Variants in DAPK2 observed in about 807,000 individuals in gnomAD.
DAPK2 encodes the protein death-associated protein kinase 2.
In DAPK2, 35 loss-of-function variants were observed where a neutral mutation model predicts 44.1. The ratio of observed to expected loss-of-function variants is 0.79; its 90% CI spans 0.61 to 1.05. DAPK2 has a LOEUF of 1.05. DAPK2 is among the 50% of genes least tolerant of loss of function. The pLI, the probability that DAPK2 is intolerant of heterozygous loss-of-function variation, is 0.00. For missense variants in DAPK2, 453 were observed against 483.2 expected (o/e 0.94, Z 0.59); for synonymous variants, 174 against 182.6 (o/e 0.95, Z 0.38).
intron 2 of DAPK2, among the ~76,000 whole-genome samples, chr15:63,974,547 T>C (rs2078294940): frequency 6.6e-6 from 1 of 152,148 alleles, no homozygotes; most frequent in Non-Finnish European, 1.5e-5. Context: ...TAGAAAAGAG[T>C]GTCTGAGTTA....
chr15:64,024,733 CAT>C (rs2079789465), intron 1 of DAPK2, among the ~76,000 whole-genome samples: 1 of 152,206 alleles, frequency 6.6e-6, no homozygotes, highest in Admixed American at 6.5e-5. Context: ...GCCTGCAAAA[CAT>C]AGACAGGGAG....
At chr15:64,029,652 C>T (rs889537928) in intron 1 of DAPK2, 1 of 152,268 alleles carries the variant, frequency 6.6e-6, no homozygotes, top group African/African-American at 2.4e-5. Flanking sequence ...AAGGTCTAAG[C>T]CCTAAGTCTC....
rs373230434 is a variant in DAPK2 at position 63,908,527 on chromosome 15, G to T, written c.1106C>A (p.Thr369Asn). 4.1e-5 allele frequency: 65 copies of T among 1,594,194 alleles called. No individual in the cohort carries two copies. The highest frequency in any genetic ancestry group is 5.4e-5 in the Non-Finnish European group (63 of 1,171,658). ...CACTGCAGGTCAGGCCAGTTAGGAG[G>T]TGCTGCTCCTCCTCCGTGGGTGGAG... The change falls in exon 11 of 11, where the codon ACC becomes AAC. Residue 369 changes from threonine to asparagine, a missense_variant. Thr to Asn is a moderately conservative substitution (Grantham distance 65). Coordinates refer to ENST00000261891, the Ensembl canonical transcript of DAPK2. The surrounding 1 kb of genome is among the most constrained non-coding windows in gnomAD (Gnocchi z 5.7).
intron 3 of DAPK2, among the ~76,000 whole-genome samples, chr15:63,945,512 C>G (rs1217204289): frequency 1.3e-5 from 2 of 152,226 alleles, no homozygotes; most frequent in Non-Finnish European, 1.5e-5. Flanking sequence ...CAGGAAGGAA[C>G]GGCACTAAGG....
chr15:64,022,113 C>G (rs1027084839), intron 1 of DAPK2, among the ~76,000 whole-genome samples: 1 of 152,174 alleles, frequency 6.6e-6, no homozygotes, highest in Non-Finnish European at 1.5e-5. Context: ...ATTAGAAACA[C>G]AAACCACAGG....
At chr15:64,023,766 C>T (rs1208386224) in intron 1 of DAPK2, among the ~76,000 whole-genome samples, 11 of 152,184 alleles carry the variant, frequency 7.2e-5, no homozygotes, top group African/African-American at 2.2e-4. Flanking sequence ...ACACTTCCCA[C>T]GTGCCACGCT....
intron 1 of DAPK2, among the ~76,000 whole-genome samples, chr15:64,026,885 A>T (rs1301075110): frequency 6.6e-6 from 1 of 152,206 alleles, no homozygotes; most frequent in Non-Finnish European, 1.5e-5. Context: ...TCACTTACAA[A>T]ATGGGAACTA....
rs1162143095 is a variant in DAPK2 at position 63,945,816 on chromosome 15, G to A, written c.454-6455C>T. Among the ~76,000 whole-genome samples, 4 of 152,166 alleles carry A rather than the reference G, an allele frequency of 2.6e-5. No individual in the cohort carries two copies. The East Asian group carries it at 7.7e-4, about 29-fold the overall frequency. The stretch of plus-strand genomic sequence containing the variant: ...CGAGATGGCACAACCTCCCAAGCTG[G>A]CTGTGAAAATTCCTACTGCTTTGGG... On this transcript the variant is annotated intron_variant, in intron 3 of 10. Transcript: ENST00000261891.
At chr15:64,040,274 T>C, upstream of DAPK2, 1 of 1,612,502 alleles carries the variant, frequency 6.2e-7, no homozygotes, top group Non-Finnish European at 8.5e-7. Flanking sequence ...AATCCTGAAA[T>C]GGGAAGAAAC....
At chr15:64,012,137 T>C (rs1192833668) in intron 1 of DAPK2, among the ~76,000 whole-genome samples, 1 of 152,226 alleles carries the variant, frequency 6.6e-6, no homozygotes, top group Non-Finnish European at 1.5e-5. Flanking sequence ...CATACATTAC[T>C]GACTGTCACT....
rs182827544 is a variant in DAPK2 at position 64,028,304 on chromosome 15, C to T, written c.92+11866G>A. 3.5e-4 allele frequency among the ~76,000 whole-genome samples: 54 copies of T among 152,360 alleles called. 1 individual carries two copies. The highest frequency in any genetic ancestry group is 1.3e-3 in the African/African-American group (53 of 41,576). ...GAACTCCTGACCTCAAGTGATCTGC[C>T]TGCCTTAGCCTCCCAAAGTGCTGGG... On this transcript the variant is annotated intron_variant, in intron 1 of 10. Coordinates refer to ENST00000261891, the Ensembl canonical transcript of DAPK2.
intron 8 of DAPK2, chr15:63,921,809 C>T (rs2079079961): frequency 6.6e-6 from 1 of 152,194 alleles, no homozygotes; most frequent in South Asian, 2.1e-4. Flanking sequence ...AATGGGAAGA[C>T]TCCTTCCTTC....
At position 64,019,177 on chromosome 15, in the gene DAPK2, C is replaced by T. The variant is rs981115436; in HGVS notation, c.92+20993G>A. 1.3e-5 allele frequency among the ~76,000 whole-genome samples: 2 copies of T among 152,242 alleles called. 1 individual carries two copies. Among genetic ancestry groups the T allele is most frequent in the South Asian group, 4.1e-4 (2 of 4,836 alleles). On this transcript the variant is annotated intron_variant, in intron 1 of 10. Transcript: ENST00000261891. ...CCTTCAGGTCACAAGCAACCATTTA[C>T]CAGAGTGCCCTGTCTCAGACCTGCC...
intron 1 of DAPK2, among the ~76,000 whole-genome samples, chr15:64,030,352 T>A (rs2079976689): frequency 6.6e-6 from 1 of 152,120 alleles, no homozygotes; most frequent in South Asian, 2.1e-4. Context: ...GATGTAAATA[T>A]GATACCCTTG....
At chr15:63,994,870 G>A (rs957742869) in intron 1 of DAPK2, among the ~76,000 whole-genome samples, 10 of 152,160 alleles carry the variant, frequency 6.6e-5, no homozygotes, top group Middle Eastern at 3.4e-3. Context: ...GATTACAGGC[G>A]TGAGCCACTG....
intron 1 of DAPK2, among the ~76,000 whole-genome samples, chr15:64,035,142 T>C (rs1055069418): frequency 6.6e-6 from 1 of 150,540 alleles, no homozygotes; most frequent in Non-Finnish European, 1.5e-5. Flanking sequence ...CACTCCAGCC[T>C]GGGCGACAGA....
chr15:63,908,397 C>T lies in DAPK2; in HGVS notation c.*123G>A. 1 of 491,464 alleles carries T rather than the reference C, an allele frequency of 2.0e-6. No homozygotes were observed. The highest frequency in any genetic ancestry group is 5.3e-4 in the Middle Eastern group (1 of 1,898). The allele number at this position is 491,464 out of a possible 1,614,324, so 30.4% of individuals were successfully genotyped here. A position where few individuals can be genotyped will look rare whatever the true frequency, so the allele number is the denominator to read the frequency against. On this transcript the variant is annotated 3_prime_UTR_variant, in exon 11 of 11. Coordinates refer to ENST00000261891, the Ensembl canonical transcript of DAPK2. This position sits in a 1 kb window ranked among gnomAD's most constrained non-coding sequence, Gnocchi z 5.7. ...GCAAGCTCTTCTGAATTCCTTGGGC[C>T]CATCTCTCTTGCAAAGTGCTCAGGA...
chr15:63,938,004 C>T (rs2077209530), intron 4 of DAPK2, among the ~76,000 whole-genome samples: 1 of 152,194 alleles, frequency 6.6e-6, no homozygotes, highest in Non-Finnish European at 1.5e-5. Context: ...ATCTGTCATA[C>T]AGTAGGTGAC....
At chr15:63,972,121 A>C (rs777916578) in intron 2 of DAPK2, among the ~76,000 whole-genome samples, 36 of 152,332 alleles carry the variant, frequency 2.4e-4, no homozygotes, top group Admixed American at 7.8e-4. Context: ...TGAGGAAGTG[A>C]ACCTTCATCT....
Sources: allele counts gnomAD v4.1 joint callset (sites outside exome capture counted in the v4.1 genomes callset), GRCh38; gene constraint gnomAD v4.1.1; non-coding constraint Gnocchi (gnomAD v3.1); transcripts MANE v1.5; gene names NCBI Gene and HGNC (gene_info 2026-07-23, HGNC 2026-07-21).